Variants in MACROD1 observed in about 807,000 individuals in gnomAD.
MACROD1 encodes ADP-ribose glycohydrolase MACROD1.
Under a neutral mutation model 41.4 loss-of-function variants are expected in MACROD1, and 31 were observed. That is an observed-to-expected ratio of 0.75 (90% confidence interval 0.56 to 1.01). The LOEUF is 1.01. Among genes scored for constraint, MACROD1 ranks in the 50% least tolerant of loss-of-function variants. MACROD1 has a pLI of 0.00. For synonymous variants in MACROD1, 252 were observed against 203.4 expected, an observed-to-expected ratio of 1.24 and a Z score of -2.03; for missense variants, 473 against 460.0, an observed-to-expected ratio of 1.03 and a Z score of -0.26.
intron 3 of MACROD1, among the ~76,000 whole-genome samples, chr11:64,066,955 A>T (rs937479506): frequency 1.3e-5 from 2 of 152,194 alleles, no homozygotes; most frequent in Non-Finnish European, 2.9e-5. Flanking sequence ...CCAGTGCGCT[A>T]CGGAGGGTCA....
intron 3 of MACROD1, among the ~76,000 whole-genome samples, chr11:64,076,469 GACGA>G (rs1944203957): frequency 6.6e-6 from 1 of 152,112 alleles, no homozygotes; most frequent in African/African-American, 2.4e-5. Context: ...TGGACGGACG[GACGA>G]ATGGATGGAT....
In MACROD1 at chr11:64,006,716, G is replaced by A. The variant is rs554552901; in HGVS notation, c.548-6373C>T. Among the ~76,000 whole-genome samples the A allele has an allele frequency of 3.9e-5, 6 of 152,290 alleles. No individual in the cohort carries two copies. The South Asian group carries it at 1.2e-3, about 32-fold the overall frequency. On this transcript the variant is annotated intron_variant, in intron 4 of 10. Coordinates refer to ENST00000255681, the MANE Select transcript of MACROD1 (RefSeq NM_014067.4). ...GTCAAAGTTGTGGCCACGGGACAGG[G>A]GCCCCAAGTCCCAGCCTCCCTCTTA... is the stretch of plus-strand genomic sequence containing the variant.
At chr11:64,128,738 C>T (rs761950345) in intron 3 of MACROD1, among the ~76,000 whole-genome samples, 3 of 152,076 alleles carry the variant, frequency 2.0e-5, no homozygotes, top group East Asian at 1.9e-4. Flanking sequence ...TGGTTTCCCA[C>T]GCCTCTGCTG....
intron 3 of MACROD1, among the ~76,000 whole-genome samples, chr11:64,141,093 C>T (rs1179658286): frequency 6.6e-6 from 1 of 152,226 alleles, no homozygotes; most frequent in Non-Finnish European, 1.5e-5. Context: ...TGTGGTCACA[C>T]CAGTGTACTC....
At chr11:64,121,714 G>A (rs1266636489) in intron 3 of MACROD1, among the ~76,000 whole-genome samples, 1 of 152,170 alleles carries the variant, frequency 6.6e-6, no homozygotes, top group East Asian at 1.9e-4. Flanking sequence ...AATTCTCCCG[G>A]GCTCCCGTGC....
chr11:64,160,509 G>C (rs375860735), intron 1 of MACROD1, among the ~76,000 whole-genome samples: 1 of 152,132 alleles, frequency 6.6e-6, no homozygotes, highest in African/African-American at 2.4e-5. Flanking sequence ...GAGACATGGA[G>C]AGAATGTTCA....
chr11:64,001,180 C>T (rs900823345), intron 4 of MACROD1: 2 of 549,724 alleles, frequency 3.6e-6, no homozygotes, highest in Non-Finnish European at 6.5e-6. Context: ...CAGGGCACCG[C>T]GCAGGAGAGG....
chr11:64,108,347 C>T (rs963618306), intron 3 of MACROD1, among the ~76,000 whole-genome samples: 1 of 152,004 alleles, frequency 6.6e-6, no homozygotes, highest in Non-Finnish European at 1.5e-5. Context: ...GACCCAGGGC[C>T]ACCCCACAGT....
chr11:64,042,524 G>A (rs1373548686), intron 3 of MACROD1, among the ~76,000 whole-genome samples: 1 of 152,184 alleles, frequency 6.6e-6, no homozygotes, highest in African/African-American at 2.4e-5. Flanking sequence ...TGACCCCAGG[G>A]AGCCAGCAGT....
intron 3 of MACROD1, among the ~76,000 whole-genome samples, chr11:64,102,292 T>G (rs926105041): frequency 3.3e-5 from 5 of 152,180 alleles, no homozygotes; most frequent in African/African-American, 1.2e-4. Flanking sequence ...GGTTTTGTTT[T>G]GGATTCCAGA....
chr11:64,019,449 A>T (rs1943124880), intron 3 of MACROD1, among the ~76,000 whole-genome samples: 2 of 152,126 alleles, frequency 1.3e-5, no homozygotes, highest in African/African-American at 4.8e-5. Flanking sequence ...CCCTGAGGGC[A>T]GGTGCAGTAG....
intron 8 of MACROD1, 106 bp downstream of exon 8, chr11:63,999,225 G>A: frequency 7.0e-7 from 1 of 1,430,142 alleles, no homozygotes. Flanking sequence ...GGAAGGAAGG[G>A]GCGGGCCTGG....
At chr11:64,130,951 C>T (rs1000968257) in intron 3 of MACROD1, among the ~76,000 whole-genome samples, 4 of 152,260 alleles carry the variant, frequency 2.6e-5, no homozygotes, top group Non-Finnish European at 5.9e-5. Flanking sequence ...AAGAAGAGAA[C>T]TGGCCGGCCC....
intron 3 of MACROD1, among the ~76,000 whole-genome samples, chr11:64,135,234 G>A (rs185852464): frequency 3.3e-5 from 5 of 152,350 alleles, no homozygotes; most frequent in Admixed American, 3.3e-4. Flanking sequence ...GGTCAGTCTA[G>A]CAGGGACCAT....
At chr11:64,016,352 G>A (rs1008701065) in intron 3 of MACROD1, among the ~76,000 whole-genome samples, 2 of 152,248 alleles carry the variant, frequency 1.3e-5, no homozygotes, top group African/African-American at 4.8e-5. Context: ...GGCAGGTGCC[G>A]CCCAGGCCCA....
chr11:64,099,672 A>G (rs1050558490), intron 3 of MACROD1, among the ~76,000 whole-genome samples: 2 of 151,252 alleles, frequency 1.3e-5, no homozygotes, highest in Non-Finnish European at 2.9e-5. Flanking sequence ...GAGTGGATAG[A>G]TTGATGGAGG....
intron 4 of MACROD1, among the ~76,000 whole-genome samples, chr11:64,006,213 T>C (rs1337900943): frequency 6.6e-6 from 1 of 152,200 alleles, no homozygotes; most frequent in East Asian, 1.9e-4. Flanking sequence ...TGCGCTCTCT[T>C]CTCTCCCAGC....
rs544739061 is a variant in MACROD1 at position 64,120,683 on chromosome 11, CAA to C, written c.517+30554_517+30555del. Among the ~76,000 whole-genome samples the C allele has an allele frequency of 7.0e-6, 1 of 143,602 alleles. No individual in the cohort carries two copies. The allele number at this position is 143,602 out of a possible 152,430, so 94.2% of individuals were successfully genotyped here. On this transcript the variant is annotated intron_variant, in intron 3 of 10. Coordinates refer to ENST00000255681, the MANE Select transcript of MACROD1 (RefSeq NM_014067.4). The surrounding 1 kb of genome is among the most constrained non-coding windows in gnomAD (Gnocchi z 4.5). ...CTGGGCAAAGAGTGAGACTCCATCT[CAA>C]AAAAAAAAAAGTAGGCCCTCCCAGT...
Position 64,090,965 on chromosome 11 carries a change from C to T in MACROD1, c.517+60274G>A, listed in dbSNP as rs1475339652. On this transcript the variant is annotated intron_variant, in intron 3 of 10. Transcript: ENST00000255681. The surrounding 1 kb of genome is among the most constrained non-coding windows in gnomAD (Gnocchi z 4.7). Reference sequence around the variant, plus strand: ...CACTGGCAGAATCTGCAGCACTGACCTCTGACCTCTGGGTCAGTTGGTTAC... The same window carrying T: ...CACTGGCAGAATCTGCAGCACTGACTTCTGACCTCTGGGTCAGTTGGTTAC... 2.0e-5 allele frequency among the ~76,000 whole-genome samples: 3 copies of T among 151,688 alleles called. No homozygotes were observed. Among genetic ancestry groups the T allele is most frequent in the Non-Finnish European group, 4.4e-5 (3 of 67,892 alleles).
Sources: allele counts gnomAD v4.1 joint callset (sites outside exome capture counted in the v4.1 genomes callset), GRCh38; gene constraint gnomAD v4.1.1; non-coding constraint Gnocchi (gnomAD v3.1); transcripts MANE v1.5; gene names NCBI Gene and HGNC (gene_info 2026-07-23, HGNC 2026-07-21).